Variants in CEP72 observed in about 807,000 individuals in gnomAD.
The protein encoded by CEP72 is centrosomal protein 72, also known as centrosomal protein of 72 kDa.
Under a neutral mutation model 65.7 loss-of-function variants are expected in CEP72, and 78 were observed. The observed-to-expected ratio is 1.19, with a 90% CI of 0.99 to 1.43. The LOEUF (loss-of-function observed/expected upper bound fraction) is 1.43. CEP72 is among the 40% of genes most tolerant of loss of function. The pLI is 0.00. For missense variants in CEP72, 914 were observed against 832.9 expected, an observed-to-expected ratio of 1.10 and a Z score of -1.20; for synonymous variants, 358 against 351.7, an observed-to-expected ratio of 1.02 and a Z score of -0.20.
chr5:636,691 T>C, intron 6 of CEP72, among the ~76,000 whole-genome samples: 1 of 151,014 alleles, frequency 6.6e-6, no homozygotes, highest in South Asian at 2.1e-4. Context: ...GCACCTATAG[T>C]CCCAGCTACT....
At chr5:669,021 C>T (rs1740080483), downstream of CEP72, among the ~76,000 whole-genome samples, 1 of 152,250 alleles carries the variant, frequency 6.6e-6, no homozygotes, top group East Asian at 1.9e-4. Flanking sequence ...ACAACAGACA[C>T]CATCAACAGC....
Position 612,450 on chromosome 5 carries a change from C to G in CEP72, c.82+7C>G. 1 of 1,327,532 alleles carries G rather than the reference C, an allele frequency of 7.5e-7. No homozygotes were observed. Among genetic ancestry groups the G allele is most frequent in the Non-Finnish European group, 1.0e-6 (1 of 1,002,696 alleles). The allele number at this position is 1,327,532 out of a possible 1,614,324, so 82.2% of individuals were successfully genotyped here. A position where few individuals can be genotyped will look rare whatever the true frequency, so the allele number is the denominator to read the frequency against. On this transcript the variant is annotated splice_region_variant and intron_variant, in intron 1 of 11. Coordinates refer to ENST00000264935, the MANE Select transcript of CEP72 (RefSeq NM_018140.4). ...GGGCCTCACCGCGACCTGGGTGCGC[C>G]GGAGGGCGGGCGGGGGTGCAAGCGT...
downstream of CEP72, among the ~76,000 whole-genome samples, chr5:669,596 T>G (rs1350397509): frequency 6.6e-6 from 1 of 152,124 alleles, no homozygotes; most frequent in African/African-American, 2.4e-5. Flanking sequence ...TGACCAGTGC[T>G]GAGGCACGCA....
intron 6 of CEP72, among the ~76,000 whole-genome samples, chr5:635,825 C>T (rs185964783): frequency 4.5e-4 from 69 of 152,146 alleles, no homozygotes; most frequent in African/African-American, 1.6e-3. Flanking sequence ...CCCAGCCCTG[C>T]GCTACAGCAT....
intron 2 of CEP72, among the ~76,000 whole-genome samples, 175 bp downstream of exon 2, chr5:619,292 T>C (rs1736220572): frequency 6.6e-6 from 1 of 152,196 alleles, no homozygotes; most frequent in African/African-American, 2.4e-5. Flanking sequence ...TCACGTTACG[T>C]TGTGTTGTCG....
intron 9 of CEP72, chr5:643,654 A>C: frequency 1.0e-6 from 1 of 985,298 alleles, no homozygotes; most frequent in Non-Finnish European, 1.2e-6. Flanking sequence ...CTGGTGCCTG[A>C]GAGAGCAGCA....
chr5:674,498 C>T, the CEP72 span, among the ~76,000 whole-genome samples: 6 of 152,132 alleles, frequency 3.9e-5, no homozygotes, highest in Admixed American at 3.9e-4. Context: ...GGTCCGAGTG[C>T]CCGGGACACG....
chr5:620,953 C>CG (rs1333329587), intron 3 of CEP72, among the ~76,000 whole-genome samples: 1 of 152,176 alleles, frequency 6.6e-6, no homozygotes, highest in Non-Finnish European at 1.5e-5. Context: ...GACCCTACCC[C>CG]GAGTCACAGA....
At chr5:662,976 CCGA>C (rs1261958341) in intron 1 of CEP72, 21 of 149,872 alleles carry the variant, frequency 1.4e-4, no homozygotes, top group African/African-American at 5.7e-4. Context: ...TCGGGTGATT[CCGA>C]TGACTGCTCG....
chr5:667,139 A>G (rs1223765361), exon 5 of CEP72: 2 of 152,236 alleles, frequency 1.3e-5, no homozygotes, highest in Non-Finnish European at 2.9e-5. Flanking sequence ...AACGATTTCA[A>G]GAAATGAGAA....
intron 1 of CEP72, among the ~76,000 whole-genome samples, chr5:617,658 T>C (rs1354560710): frequency 6.6e-6 from 1 of 152,224 alleles, no homozygotes. Flanking sequence ...TCCTGCTGTT[T>C]AGCTGCACCT....
chr5:667,785 C>T (rs917701850), downstream of CEP72, among the ~76,000 whole-genome samples: 4 of 151,726 alleles, frequency 2.6e-5, no homozygotes, highest in Admixed American at 6.6e-5. Flanking sequence ...GACAAGCACA[C>T]GGAGAGGGGT....
intron 4 of CEP72, among the ~76,000 whole-genome samples, chr5:633,224 G>T (rs113936226): frequency 9.8e-6 from 1 of 101,540 alleles, no homozygotes; most frequent in Non-Finnish European, 1.9e-5. Context: ...GTGGGGTTCT[G>T]TCCAGTGCTG....
In CEP72 at chr5:637,759, C is replaced by CA; in HGVS notation, c.1148dup (p.Pro384AlafsTer2). 1 of 1,610,442 alleles carries CA rather than the reference C, an allele frequency of 6.2e-7. No individual in the cohort carries two copies. The highest frequency in any genetic ancestry group is 8.5e-7 in the Non-Finnish European group (1 of 1,178,196). On this transcript the variant is annotated frameshift_variant, in exon 7 of 12. Coordinates refer to ENST00000264935, the MANE Select transcript of CEP72 (RefSeq NM_018140.4). LOFTEE classifies it high-confidence loss of function. ...AAGCAGGAACGGGAGGACCTTGTCTCAGCCTGAGGCCTCGGAGACTGAGGA... is the reference window on the plus strand; with the variant it reads ...AAGCAGGAACGGGAGGACCTTGTCTCAAGCCTGAGGCCTCGGAGACTGAGGA...
downstream of CEP72, among the ~76,000 whole-genome samples, chr5:670,026 C>T (rs955698500): frequency 3.3e-5 from 5 of 152,200 alleles, no homozygotes; most frequent in Admixed American, 6.5e-5. Flanking sequence ...AGGACGCAGC[C>T]GCTGCTCATA....
downstream of CEP72, among the ~76,000 whole-genome samples, chr5:653,910 T>G (rs1323412245): frequency 6.6e-6 from 1 of 152,218 alleles, no homozygotes; most frequent in Non-Finnish European, 1.5e-5. Context: ...TTCAACTGAT[T>G]TGGGAAGAAT....
rs1340050584 is a variant in CEP72 at position 612,347 on chromosome 5, G to A, written c.-15G>A. The A allele has an allele frequency of 4.7e-6, 7 of 1,485,608 alleles. No homozygotes were observed. In the Admixed American group the frequency reaches 9.0e-5, roughly 19 times the overall value. 92.0% of individuals were successfully genotyped at this position (1,485,608 alleles called of 1,614,324 possible). On this transcript the variant is annotated 5_prime_UTR_variant, in exon 1 of 12. Coordinates refer to ENST00000264935, the MANE Select transcript of CEP72 (RefSeq NM_018140.4). ...GCCCGCCGCGCAGGCGCCGTCCGAG[G>A]GCTCCGTTTGAAACATGGCGCGGGC...
At chr5:675,486 G>A in the CEP72 span, among the ~76,000 whole-genome samples, 1 of 141,442 alleles carries the variant, frequency 7.1e-6, no homozygotes, top group East Asian at 2.1e-4. Context: ...GTGGCCAGGG[G>A]TACATTGTGG....
At chr5:666,354 CAG>C (rs1459217438) in intron 4 of CEP72, among the ~76,000 whole-genome samples, 1 of 152,252 alleles carries the variant, frequency 6.6e-6, no homozygotes, top group East Asian at 1.9e-4. Flanking sequence ...CGCTCTGACA[CAG>C]GGTGTGTGCG....
Sources: gnomAD v4.1 joint callset for allele counts (sites outside exome capture counted in the v4.1 genomes callset) on GRCh38, gnomAD v4.1.1 for gene constraint, MANE v1.5 for transcripts, NCBI Gene and HGNC (gene_info 2026-07-23, HGNC 2026-07-21) for gene names.